The following XKR6 variants were observed in gnomAD, a reference collection of about 807,000 sequenced individuals.
The protein encoded by XKR6 is XK related 6.
A neutral mutation model predicts 56.7 loss-of-function variants in XKR6; 22 were observed. The ratio of observed to expected loss-of-function variants is 0.39; its 90% CI spans 0.28 to 0.55. The LOEUF is 0.55. Among genes scored for constraint, XKR6 ranks in the 20% least tolerant of loss-of-function variants. The probability of loss-of-function intolerance (pLI) is 0.66; values close to 1 mark genes in which losing one functional copy is unlikely to be tolerated. For missense variants in XKR6, 852 were observed against 889.0 expected (o/e 0.96, Z 0.53); for synonymous variants, 524 against 387.8 (o/e 1.35, Z -4.13).
At position 11,057,672 on chromosome 8, in the gene XKR6, T is replaced by C. The variant is rs76693499; in HGVS notation, c.765-132842A>G. Among the ~76,000 whole-genome samples, 972 of 152,356 alleles carry C rather than the reference T, an allele frequency of 6.4e-3. 7 individuals carry two copies. The highest frequency in any genetic ancestry group is 0.022 in the African/African-American group (926 of 41,584). On this transcript the variant is annotated intron_variant, in intron 1 of 2. Transcript: ENST00000416569. ...GAAGGACCCAGGCTCCATTGGCGACTGTGTCCAAGCTTGGTCTGACGTCAC... is the reference window on the plus strand; with the variant it reads ...GAAGGACCCAGGCTCCATTGGCGACCGTGTCCAAGCTTGGTCTGACGTCAC...
intron 1 of XKR6, among the ~76,000 whole-genome samples, chr8:11,000,824 G>A (rs556941004): frequency 2.8e-4 from 43 of 152,336 alleles, no homozygotes; most frequent in African/African-American, 8.4e-4. Context: ...CGGAATGGAA[G>A]TAAGATGCAT....
intron 1 of XKR6, among the ~76,000 whole-genome samples, chr8:11,043,538 C>T (rs1157383726): frequency 6.6e-6 from 1 of 152,234 alleles, no homozygotes; most frequent in African/African-American, 2.4e-5. Flanking sequence ...GCCCCAGCAG[C>T]TGCAGAGCCC....
At chr8:10,974,485 G>C (rs529253984) in intron 1 of XKR6, among the ~76,000 whole-genome samples, 3 of 152,294 alleles carry the variant, frequency 2.0e-5, no homozygotes, top group Admixed American at 6.5e-5. Context: ...TCCTAAGCCT[G>C]GGCCACGGAC....
At chr8:10,968,813 A>C (rs1298626862) in intron 1 of XKR6, among the ~76,000 whole-genome samples, 1 of 152,262 alleles carries the variant, frequency 6.6e-6, no homozygotes, top group African/African-American at 2.4e-5. Flanking sequence ...ATTTCTGGGC[A>C]CAGGGCTCGG....
chr8:10,898,983 G>C lies in XKR6; in HGVS notation c.962-67C>G. 2.0e-6 allele frequency: 3 copies of C among 1,515,694 alleles called. No homozygotes were observed. The highest frequency in any genetic ancestry group is 2.6e-6 in the Non-Finnish European group (3 of 1,140,396). The allele number at this position is 1,515,694 out of a possible 1,614,324, so 93.9% of individuals were successfully genotyped here. On this transcript the variant is annotated intron_variant, in intron 2 of 2. Transcript: ENST00000416569. This position sits in a 1 kb window ranked among gnomAD's most constrained non-coding sequence, Gnocchi z 6.6. ...ATCAACCGCAGGGCACAGTGAAGCT[G>C]CCGGCTGAGGAGACGCCCACATACA...
intron 1 of XKR6, among the ~76,000 whole-genome samples, chr8:11,148,867 C>A (rs1004839807): frequency 1.3e-5 from 2 of 152,138 alleles, no homozygotes; most frequent in Non-Finnish European, 2.9e-5. Context: ...TAATACCACA[C>A]AACAACATGA....
chr8:11,030,089 G>T (rs2129151595), intron 1 of XKR6, among the ~76,000 whole-genome samples: 1 of 152,206 alleles, frequency 6.6e-6, no homozygotes, highest in South Asian at 2.1e-4. Flanking sequence ...CAGACTGCAG[G>T]AGTCTCACCC....
chr8:10,997,424 G>A (rs954943975), intron 1 of XKR6, among the ~76,000 whole-genome samples: 2 of 152,208 alleles, frequency 1.3e-5, no homozygotes, highest in East Asian at 1.9e-4. Context: ...CAGCCAGGAT[G>A]TAAACCCAGA....
At chr8:10,921,845 A>C (rs576070019) in intron 2 of XKR6, among the ~76,000 whole-genome samples, 1 of 152,362 alleles carries the variant, frequency 6.6e-6, no homozygotes, top group African/African-American at 2.4e-5. Flanking sequence ...CAGTTTAAAT[A>C]AACAGAGTCT....
intron 1 of XKR6, among the ~76,000 whole-genome samples, chr8:10,945,952 G>T (rs1801524087): frequency 6.6e-6 from 1 of 152,052 alleles, no homozygotes; most frequent in Non-Finnish European, 1.5e-5. Flanking sequence ...TGAATATGGG[G>T]ACTATATTTG....
chr8:11,198,853 T>G (rs1374477122), intron 1 of XKR6, among the ~76,000 whole-genome samples: 1 of 151,984 alleles, frequency 6.6e-6, no homozygotes, highest in African/African-American at 2.4e-5. Context: ...TTCCCCATAC[T>G]TTTTGTCCCT....
intron 1 of XKR6, among the ~76,000 whole-genome samples, chr8:11,036,107 C>A (rs983082295): frequency 2.6e-5 from 4 of 151,942 alleles, no homozygotes; most frequent in Non-Finnish European, 5.9e-5. Flanking sequence ...CCATACCAGG[C>A]TAATTGTTTT....
At chr8:11,075,596 G>C (rs1024590212) in intron 1 of XKR6, among the ~76,000 whole-genome samples, 21 of 152,186 alleles carry the variant, frequency 1.4e-4, no homozygotes, top group African/African-American at 5.1e-4. Flanking sequence ...ATTCAAAAAA[G>C]TAACTTGGCC....
At chr8:11,085,539 T>G (rs1026108120) in intron 1 of XKR6, among the ~76,000 whole-genome samples, 1 of 152,090 alleles carries the variant, frequency 6.6e-6, no homozygotes, top group Non-Finnish European at 1.5e-5. Context: ...ATCTCCTAAG[T>G]GATCTTGGCC....
At chr8:11,196,177 C>T (rs1803877029) in intron 1 of XKR6, among the ~76,000 whole-genome samples, 1 of 152,078 alleles carries the variant, frequency 6.6e-6, no homozygotes, top group African/African-American at 2.4e-5. Flanking sequence ...AAAATCTTAG[C>T]ATTAGAGGGA....
chr8:10,978,078 G>A (rs1198408623), intron 1 of XKR6, among the ~76,000 whole-genome samples: 1 of 152,082 alleles, frequency 6.6e-6, no homozygotes, highest in Non-Finnish European at 1.5e-5. Context: ...TGATGGAAAT[G>A]GAAAGCAACT....
At chr8:11,168,006 T>C (rs1802174122) in intron 1 of XKR6, among the ~76,000 whole-genome samples, 1 of 147,818 alleles carries the variant, frequency 6.8e-6, no homozygotes, top group Admixed American at 6.7e-5. Context: ...ACAAAAATAG[T>C]TGGGAAAAGT....
At chr8:10,950,050 C>G (rs568742907) in intron 1 of XKR6, among the ~76,000 whole-genome samples, 61 of 152,300 alleles carry the variant, frequency 4.0e-4, no homozygotes, top group African/African-American at 1.4e-3. Flanking sequence ...GCCCCTCCAC[C>G]CTTCCTGGCC....
chr8:11,086,951 G>C (rs1797912071), intron 1 of XKR6, among the ~76,000 whole-genome samples: 1 of 152,222 alleles, frequency 6.6e-6, no homozygotes, highest in South Asian at 2.1e-4. Context: ...GCGATCTCCA[G>C]GCAGTGGCTC....
Sources: gnomAD v4.1 joint callset for allele counts (sites outside exome capture counted in the v4.1 genomes callset) on GRCh38, gnomAD v4.1.1 for gene constraint, Gnocchi (gnomAD v3.1) non-coding constraint, MANE v1.5 for transcripts, NCBI Gene and HGNC (gene_info 2026-07-23, HGNC 2026-07-21) for gene names.